Variants in SLC5A9 observed in about 807,000 individuals in gnomAD.
SLC5A9 encodes solute carrier family 5 member 9, also known as sodium/glucose cotransporter 4.
Under a neutral mutation model 70.9 loss-of-function variants are expected in SLC5A9, and 59 were observed. The ratio of observed to expected loss-of-function variants is 0.83; its 90% CI spans 0.68 to 1.03. The LOEUF (loss-of-function observed/expected upper bound fraction) is 1.03, where lower values mean the gene tolerates loss of function less well. SLC5A9 is among the 50% of genes least tolerant of loss of function. The probability of loss-of-function intolerance (pLI) is 0.00; values close to 1 mark genes in which losing one functional copy is unlikely to be tolerated. For missense variants in SLC5A9, 832 were observed against 881.1 expected, an observed-to-expected ratio of 0.94 and a Z score of 0.71; for synonymous variants, 340 against 346.5, an observed-to-expected ratio of 0.98 and a Z score of 0.21.
chr1:48,225,786 TCTCA>T (rs375107747), intron 2 of SLC5A9, among the ~76,000 whole-genome samples: 73 of 151,846 alleles, frequency 4.8e-4, no homozygotes, highest in African/African-American at 1.7e-3. Flanking sequence ...GCACTCACAC[TCTCA>T]CTCTCATACA....
At position 48,233,906 on chromosome 1, in the gene SLC5A9, C is replaced by T. The variant is rs993356522; in HGVS notation, c.1141+144C>T. The T allele has an allele frequency of 4.4e-5, 29 of 658,480 alleles. No individual in the cohort carries two copies. In the Admixed American group the frequency reaches 6.7e-4, roughly 15 times the overall value. The allele number at this position is 658,480 out of a possible 1,614,324, so 40.8% of individuals were successfully genotyped here. A position where few individuals can be genotyped will look rare whatever the true frequency, so the allele number is the denominator to read the frequency against. ...GCACCCCCATCCCAACACATACACACACGTTTTACAGGCATTTGTACGTAA... is the reference window on the plus strand; with the variant it reads ...GCACCCCCATCCCAACACATACACATACGTTTTACAGGCATTTGTACGTAA... On this transcript the variant is annotated intron_variant, in intron 9 of 13. Transcript: ENST00000438567.
chr1:48,235,886 C>A lies in SLC5A9; in HGVS notation c.1292+7C>A, dbSNP rs370467280. 4.3e-6 allele frequency: 7 copies of A among 1,613,938 alleles called. No homozygotes were observed. Among genetic ancestry groups the A allele is most frequent in the Non-Finnish European group, 5.9e-6 (7 of 1,180,002 alleles). On this transcript the variant is annotated splice_region_variant and intron_variant, in intron 10 of 13. Transcript: ENST00000438567. Reference sequence around the variant, plus strand: ...AGCTGATGGTGGTGGGCAGGTGCGCCGGCCCCTCCTTCCCTCCTTCCGAAG... The same window carrying A: ...AGCTGATGGTGGTGGGCAGGTGCGCAGGCCCCTCCTTCCCTCCTTCCGAAG...
At chr1:48,243,774 A>AAATT (rs1409641015) in intron 13 of SLC5A9, among the ~76,000 whole-genome samples, 3 of 152,224 alleles carry the variant, frequency 2.0e-5, no homozygotes, top group Admixed American at 2.0e-4. Context: ...ATAAATAAAT[A>AAATT]AATTCCAAAA....
At chr1:48,245,085 A>ATATATATAAATTTATT (rs1318741874) in intron 13 of SLC5A9, among the ~76,000 whole-genome samples, 2 of 147,734 alleles carry the variant, frequency 1.4e-5, no homozygotes, top group Non-Finnish European at 3.0e-5. Flanking sequence ...TTTTATATAT[A>ATATATATAAATTTATT]TATATATATA....
rs566723064 is a variant in SLC5A9, at chr1:48,236,036, C to T, written c.1292+157C>T. ...TCCACATGATTTCAAGTAAGTCCTT[C>T]GCCAACCCTGGACCACTCCTCCTTT... On this transcript the variant is annotated intron_variant, in intron 10 of 13. Transcript: ENST00000438567. Among the ~76,000 whole-genome samples, 5 of 152,280 alleles carry T rather than the reference C, an allele frequency of 3.3e-5. No homozygotes were observed. In the South Asian group the frequency reaches 8.3e-4, roughly 25 times the overall value.
chr1:48,231,135 A>T (rs1644242128), intron 5 of SLC5A9, among the ~76,000 whole-genome samples: 2 of 152,120 alleles, frequency 1.3e-5, no homozygotes, highest in South Asian at 4.2e-4. Context: ...GCACCCTGGG[A>T]GGCCAGCACA....
At chr1:48,233,433 CAT>C (rs112208044) in intron 8 of SLC5A9, among the ~76,000 whole-genome samples, 8 of 141,410 alleles carry the variant, frequency 5.7e-5, no homozygotes, top group African/African-American at 2.1e-4. Context: ...GTGGGCCAAA[CAT>C]ATGATAAGTA....
rs113206059 is a variant in SLC5A9 at position 48,228,775 on chromosome 1, C to T, written c.235-75C>T. Reference sequence around the variant, plus strand: ...GTACCCAACAAATATCAGCTCCTCACTACTCATGGTCCTCGCTCCAGATTC... The same window carrying T: ...GTACCCAACAAATATCAGCTCCTCATTACTCATGGTCCTCGCTCCAGATTC... On this transcript the variant is annotated intron_variant, in intron 2 of 13. Coordinates refer to ENST00000438567, the MANE Select transcript of SLC5A9 (RefSeq NM_001011547.3). The T allele has an allele frequency of 6.3e-6, 10 of 1,588,484 alleles. No individual in the cohort carries two copies. In the African/African-American group the frequency reaches 1.1e-4, roughly 17 times the overall value.
chr1:48,223,352 C>T (rs898049316), intron 1 of SLC5A9, among the ~76,000 whole-genome samples: 2 of 152,118 alleles, frequency 1.3e-5, no homozygotes, highest in African/African-American at 4.8e-5. Flanking sequence ...AGGCTTATTC[C>T]AAGGTTCCTC....
chr1:48,237,635 T>G, intron 10 of SLC5A9, 44 bp from the exon 11 acceptor site: 1 of 1,599,692 alleles, frequency 6.3e-7, no homozygotes, highest in Admixed American at 1.7e-5. Context: ...CACCACACCA[T>G]GCCCACCCGA....
At chr1:48,237,059 T>A (rs1278233485) in intron 10 of SLC5A9, among the ~76,000 whole-genome samples, 2 of 152,154 alleles carry the variant, frequency 1.3e-5, no homozygotes, top group Non-Finnish European at 2.9e-5. Flanking sequence ...TGGTCATATG[T>A]GTTATTGCAC....
At chr1:48,227,646 CTG>C (rs979618261) in intron 2 of SLC5A9, among the ~76,000 whole-genome samples, 2 of 151,442 alleles carry the variant, frequency 1.3e-5, no homozygotes, top group African/African-American at 2.4e-5. Context: ...TGTACTGTGC[CTG>C]TGTGTGTGTG....
In SLC5A9 at chr1:48,229,216, G is replaced by A. The variant is rs778574770; in HGVS notation, c.340-79G>A. On this transcript the variant is annotated intron_variant, in intron 3 of 13. Transcript: ENST00000438567. ...CTGTTCGGGGGCCTCCCACAGCACAGCACTGCCTCTGGGTGGGAAGCCGCC... is the reference window on the plus strand; with the variant it reads ...CTGTTCGGGGGCCTCCCACAGCACAACACTGCCTCTGGGTGGGAAGCCGCC... 111 of 1,614,040 alleles carry A rather than the reference G, an allele frequency of 6.9e-5. No individual in the cohort carries two copies. In the South Asian group the frequency reaches 1.1e-3, roughly 17 times the overall value.
At chr1:48,227,469 G>C (rs965626243) in intron 2 of SLC5A9, among the ~76,000 whole-genome samples, 3 of 144,084 alleles carry the variant, frequency 2.1e-5, no homozygotes, top group African/African-American at 7.8e-5. Context: ...TGTGTGTACT[G>C]TGCCTGTGTG....
rs756503001 is a variant in SLC5A9, at chr1:48,224,752, T to C, written c.191T>C (p.Ile64Thr). 18 of 1,614,150 alleles carry C rather than the reference T, an allele frequency of 1.1e-5. No homozygotes were observed. In the Admixed American group the frequency reaches 1.7e-4, roughly 15 times the overall value. Residue 64 changes from isoleucine to threonine, a missense_variant, in exon 2 of 14, where the codon ATT becomes ACT. Coordinates refer to ENST00000438567, the MANE Select transcript of SLC5A9 (RefSeq NM_001011547.3). ...TCCATCCGTGCAAGTCGAGGGACCA[T>C]TGGCGGCTATTTCCTGGCCGGGAGG... ...WSSIRASRGT[I>T]GGYFLAGRSM...
At chr1:48,237,637 C>A in intron 10 of SLC5A9, 42 bp from the exon 11 acceptor site, 1 of 1,599,378 alleles carries the variant, frequency 6.3e-7, no homozygotes, top group East Asian at 2.2e-5. Context: ...CCACACCATG[C>A]CCACCCGAGT....
chr1:48,233,360 CAAAAAAAAAAAA>C (rs1157245912), intron 8 of SLC5A9, among the ~76,000 whole-genome samples: 5 of 58,722 alleles, frequency 8.5e-5, no homozygotes, highest in Non-Finnish European at 1.1e-4. Flanking sequence ...GACTCCATCT[CAAAAAAAAAAAA>C]AAAAAAAAAA....
intron 2 of SLC5A9, among the ~76,000 whole-genome samples, chr1:48,225,765 CCTT>C (rs1644136944): frequency 1.3e-5 from 2 of 152,156 alleles, no homozygotes; most frequent in Non-Finnish European, 1.5e-5. Context: ...CACACTCACA[CCTT>C]CTCTCACGCA....
At chr1:48,231,801 C>A in intron 6 of SLC5A9, 145 bp from the exon 7 acceptor site, 1 of 1,511,962 alleles carries the variant, frequency 6.6e-7, no homozygotes, top group South Asian at 1.3e-5. Flanking sequence ...AACCAAGGGT[C>A]TTGAGCCCAA....
Sources: gnomAD v4.1 joint callset for allele counts (sites outside exome capture counted in the v4.1 genomes callset) on GRCh38, gnomAD v4.1.1 for gene constraint, MANE v1.5 for transcripts, NCBI Gene and HGNC (gene_info 2026-07-23, HGNC 2026-07-21) for gene names.